Variants in PRRX2 observed in about 807,000 individuals in gnomAD.
PRRX2 encodes the protein paired related homeobox 2, also known as paired mesoderm homeobox protein 2.
Under a neutral mutation model 18.0 loss-of-function variants are expected in PRRX2, and 11 were observed. That is an observed-to-expected ratio of 0.61 (90% CI 0.39 to 1.01). The LOEUF is 1.01. Among genes scored for constraint, PRRX2 ranks in the 50% least tolerant of loss-of-function variants. The probability of loss-of-function intolerance (pLI) is 0.01; values close to 1 mark genes in which losing one functional copy is unlikely to be tolerated. For missense variants in PRRX2, 387 were observed against 351.0 expected (o/e 1.10, Z -0.82); for synonymous variants, 177 against 154.8 (o/e 1.14, Z -1.06).
chr9:129,722,127 A>G (rs1832800556), intron 3 of PRRX2, 90 bp from the exon 4 acceptor site: 1 of 1,521,652 alleles, frequency 6.6e-7, no homozygotes, highest in African/African-American at 1.4e-5. Flanking sequence ...CAAGCTAAGG[A>G]GGGGGGTGGC....
rs549034624 is a variant in PRRX2, at chr9:129,679,055, C to T, written c.259+12929C>T. Among the ~76,000 whole-genome samples, 181 of 152,284 alleles carry T rather than the reference C, an allele frequency of 1.2e-3. 2 individuals are homozygous for T. The highest frequency in any genetic ancestry group is 0.01 in the Middle Eastern group (3 of 294). On this transcript the variant is annotated intron_variant, in intron 1 of 3. Transcript: ENST00000372469. ...TGGGGCAGGTGGCCGTGCCCCACGT[C>T]GCAGTCCACCACGTGCAGGACGGCA...
In PRRX2 at chr9:129,696,128, GGGA is replaced by G. The variant is rs569275357; in HGVS notation, c.260-23099_260-23097del. 4.7e-3 allele frequency among the ~76,000 whole-genome samples: 711 copies of G among 152,008 alleles called. 3 individuals are homozygous for G. The highest frequency in any genetic ancestry group is 8.2e-3 in the Non-Finnish European group (558 of 67,994). On this transcript the variant is annotated intron_variant, in intron 1 of 3. Transcript: ENST00000372469. Reference sequence around the variant, plus strand: ...GTAGGGAGTCACAGAAGGAGAGAAAGGGAGGAAGACAAAACCCACCTCCACTCA... The same window carrying G: ...GTAGGGAGTCACAGAAGGAGAGAAAGGGAAGACAAAACCCACCTCCACTCA...
chr9:129,700,899 G>A (rs939840459), intron 1 of PRRX2, among the ~76,000 whole-genome samples: 13 of 152,244 alleles, frequency 8.5e-5, no homozygotes, highest in African/African-American at 1.4e-4. Flanking sequence ...GATTACAGGC[G>A]TGAGCCACGG....
intron 1 of PRRX2, among the ~76,000 whole-genome samples, chr9:129,699,814 G>T (rs909260586): frequency 1.3e-5 from 2 of 152,152 alleles, no homozygotes; most frequent in African/African-American, 4.8e-5. Context: ...GTGTGTGTCA[G>T]TGCAAGCTTT....
intron 1 of PRRX2, among the ~76,000 whole-genome samples, chr9:129,693,721 G>C (rs900914799): frequency 6.6e-6 from 1 of 152,236 alleles, no homozygotes; most frequent in Admixed American, 6.5e-5. Flanking sequence ...TGTCCAGAGA[G>C]GTTGGATAAT....
chr9:129,674,756 C>T (rs1178937754), intron 1 of PRRX2, among the ~76,000 whole-genome samples: 1 of 152,154 alleles, frequency 6.6e-6, no homozygotes, highest in Admixed American at 6.5e-5. Context: ...CCTCGCCTTG[C>T]CCAGCTCTAC....
chr9:129,698,257 CGGGGGGGGGGG>C (rs56233939), intron 1 of PRRX2, among the ~76,000 whole-genome samples: 6 of 20,598 alleles, frequency 2.9e-4, no homozygotes, highest in Non-Finnish European at 6.4e-4. Context: ...TTGGATGGGG[CGGGGGGGGGGG>C]GGGGCGGGGG....
chr9:129,691,488 A>G (rs1049265444), intron 1 of PRRX2, among the ~76,000 whole-genome samples: 1 of 151,988 alleles, frequency 6.6e-6, no homozygotes, highest in Admixed American at 6.6e-5. Flanking sequence ...TAGGAATACC[A>G]CACACTGGTG....
chr9:129,705,761 G>A (rs1441439082), intron 1 of PRRX2, among the ~76,000 whole-genome samples: 2 of 152,040 alleles, frequency 1.3e-5, no homozygotes, highest in African/African-American at 4.8e-5. Context: ...TGACCCGGCC[G>A]CATGGGGACA....
chr9:129,719,175 T>G, intron 1 of PRRX2, 56 bp from the exon 2 acceptor site: 1 of 1,450,882 alleles, frequency 6.9e-7, no homozygotes. Flanking sequence ...GGGGCTGAAC[T>G]GTGACTGTAG....
At chr9:129,689,901 C>T (rs59381249) in intron 1 of PRRX2, among the ~76,000 whole-genome samples, 2,124 of 150,612 alleles carry the variant, frequency 0.014, 37 homozygotes, top group African/African-American at 0.05. Context: ...TACAGGCGCG[C>T]GCCATCACGC....
At chr9:129,683,529 A>G (rs1405821683) in intron 1 of PRRX2, among the ~76,000 whole-genome samples, 2 of 152,076 alleles carry the variant, frequency 1.3e-5, no homozygotes, top group Admixed American at 6.5e-5. Context: ...AGGTCAGGAG[A>G]TCGAGACCGT....
chr9:129,704,179 T>C (rs557429013), intron 1 of PRRX2, among the ~76,000 whole-genome samples: 29 of 152,162 alleles, frequency 1.9e-4, no homozygotes, highest in Middle Eastern at 3.4e-3. Flanking sequence ...TCAAGGGGGG[T>C]TCATGATTAA....
chr9:129,688,550 A>G (rs529050467), intron 1 of PRRX2, among the ~76,000 whole-genome samples: 23 of 152,296 alleles, frequency 1.5e-4, no homozygotes, highest in African/African-American at 4.6e-4. Context: ...CGTTTCTCCC[A>G]AGAAGCATCA....
At chr9:129,669,700 G>A (rs898159448) in intron 1 of PRRX2, among the ~76,000 whole-genome samples, 11 of 152,174 alleles carry the variant, frequency 7.2e-5, no homozygotes, top group East Asian at 3.8e-4. Context: ...GGGAGCCCTC[G>A]AGGGGCTGTC....
rs528276588 is a variant in PRRX2, at chr9:129,721,728, C to T, written c.627-489C>T. ...TTGGGTAGCTGGGATTACAAACGCC[C>T]GTCACCACGCCAAGCTAATTGTTTG... On this transcript the variant is annotated intron_variant, in intron 3 of 3. Coordinates refer to ENST00000372469, the MANE Select transcript of PRRX2 (RefSeq NM_016307.4). 1.4e-3 allele frequency among the ~76,000 whole-genome samples: 211 copies of T among 152,250 alleles called. 1 individual carries two copies. Among genetic ancestry groups the T allele is most frequent in the African/African-American group, 4.8e-3 (198 of 41,524 alleles).
chr9:129,668,512 T>C (rs1832056131), intron 1 of PRRX2, among the ~76,000 whole-genome samples: 1 of 152,082 alleles, frequency 6.6e-6, no homozygotes, highest in Admixed American at 6.5e-5. Flanking sequence ...GGGCGGTGGC[T>C]CACACCTGTA....
At chr9:129,685,117 G>C (rs1304974455) in intron 1 of PRRX2, among the ~76,000 whole-genome samples, 1 of 152,226 alleles carries the variant, frequency 6.6e-6, no homozygotes, top group Non-Finnish European at 1.5e-5. Flanking sequence ...CGTGGGCTGA[G>C]TGGTACTCAG....
chr9:129,704,979 C>T (rs753762060), intron 1 of PRRX2, among the ~76,000 whole-genome samples: 5 of 152,156 alleles, frequency 3.3e-5, no homozygotes, highest in African/African-American at 7.2e-5. Context: ...GCTTTCCTCC[C>T]GATACCAGCG....
Sources: gnomAD v4.1 joint callset for allele counts (sites outside exome capture counted in the v4.1 genomes callset) on GRCh38, gnomAD v4.1.1 for gene constraint, MANE v1.5 for transcripts, NCBI Gene and HGNC (gene_info 2026-07-23, HGNC 2026-07-21) for gene names.